Variants in KIAA1549 observed in about 807,000 individuals in gnomAD.
The protein encoded by KIAA1549 is KIAA1549.
Under a neutral mutation model 156.4 loss-of-function variants are expected in KIAA1549, and 70 were observed. The observed-to-expected ratio is 0.45, with a 90% CI of 0.37 to 0.55. KIAA1549 has a LOEUF of 0.55. Among genes scored for constraint, KIAA1549 ranks in the 20% least tolerant of loss-of-function variants. The probability of loss-of-function intolerance (pLI) is 0.00; values close to 1 mark genes in which losing one functional copy is unlikely to be tolerated. For synonymous variants in KIAA1549, 1,103 were observed against 1,066.4 expected (o/e 1.03, Z -0.67); for missense variants, 2,428 against 2,540.9 (o/e 0.96, Z 0.96).
chr7:138,949,688 GT>G (rs35280060), intron 1 of KIAA1549, among the ~76,000 whole-genome samples: 73,074 of 151,950 alleles, frequency 0.48, 22,078 homozygotes, highest in African/African-American at 0.87. Flanking sequence ...TTGCCTCAAG[GT>G]TAAAAAATTC....
At position 138,919,257 on chromosome 7, in the gene KIAA1549, A is replaced by T. The variant is rs898818900; in HGVS notation, c.369T>A (p.Phe123Leu). The T allele has an allele frequency of 9.9e-6, 16 of 1,614,002 alleles. No homozygotes were observed. The highest frequency in any genetic ancestry group is 1.3e-5 in the African/African-American group (1 of 75,052). The change falls in exon 2 of 20, where the codon TTT (phenylalanine) becomes TTA (leucine). Residue 123 changes from phenylalanine to leucine, a missense_variant. Physicochemically the swap from Phe to Leu is conservative, Grantham distance 22. Transcript: ENST00000422774. ...TACTTTTGGTCTGTTTTCCTTGGTT[A>T]AAAAAGGCTGTATCAAAAGTAGTGG... ...PSATTFDTAF[F>L]NQGKQTKSTA...
At position 138,916,960 on chromosome 7, in the gene KIAA1549, C is replaced by A. The variant is rs2354336; in HGVS notation, c.2666G>T (p.Gly889Val). The A allele has an allele frequency of 0.065, 104,011 of 1,603,146 alleles. 3,800 individuals carry two copies. The highest frequency in any genetic ancestry group is 0.12 in the South Asian group (11,068 of 88,834). Residue 889 changes from glycine to valine, a missense_variant, in exon 2 of 20, where the codon GGT (glycine) becomes GTT (valine). Gly to Val is a moderately radical substitution (Grantham distance 109). Transcript: ENST00000422774. Reference protein sequence around the residue: ...TSTEVSTTSTGAATGGPLDST... With the variant: ...TSTEVSTTSTVAATGGPLDST... ...GTCGAGGGGACCACCAGTGGCAGCA[C>A]CGGTGCTGGTTGTGCTCACTTCCGT...
chr7:138,837,761 T>C lies in KIAA1549; in HGVS notation c.*145A>G, dbSNP rs1184991843. The stretch of plus-strand genomic sequence containing the variant: ...ATGAGCTGTCACACGACGTATGGCA[T>C]CTTCTAAATTGCAACTTGCTCCCTC... On this transcript the variant is annotated 3_prime_UTR_variant, in exon 20 of 20. Coordinates refer to ENST00000422774, the MANE Select transcript of KIAA1549 (RefSeq NM_001164665.2). The C allele has an allele frequency of 1.3e-6, 1 of 796,290 alleles. No individual in the cohort carries two copies. The highest frequency in any genetic ancestry group is 2.0e-6 in the Non-Finnish European group (1 of 508,258). 49.3% of individuals were successfully genotyped at this position (796,290 alleles called of 1,614,324 possible). A position where few individuals can be genotyped will look rare whatever the true frequency, so the allele number is the denominator to read the frequency against.
intron 1 of KIAA1549, among the ~76,000 whole-genome samples, chr7:138,936,361 C>A (rs1192643558): frequency 1.3e-5 from 2 of 152,146 alleles, no homozygotes; most frequent in Admixed American, 6.5e-5. Flanking sequence ...TGCCTGTAAG[C>A]CAGGTCCTGC....
At chr7:138,862,495 T>C (rs986359616) in intron 15 of KIAA1549, among the ~76,000 whole-genome samples, 4 of 136,840 alleles carry the variant, frequency 2.9e-5, no homozygotes, top group Non-Finnish European at 6.2e-5. Flanking sequence ...CAGAGAGACC[T>C]AGACTCTTAA....
intron 7 of KIAA1549, 108 bp from the exon 8 acceptor site, chr7:138,903,844 T>C (rs867400102): frequency 0.029 from 12,723 of 431,434 alleles, 936 homozygotes; most frequent in Non-Finnish European, 0.031. Context: ...TGTGTGTGTG[T>C]GTGTGTGTGC....
chr7:138,907,070 C>G lies in KIAA1549; in HGVS notation c.3309G>C (p.Val1103=). Residue 1103 remains valine, a synonymous_variant, in exon 6 of 20, where the codon GTG becomes GTC. Coordinates refer to ENST00000422774, the MANE Select transcript of KIAA1549 (RefSeq NM_001164665.2). ...TATTCACCGGGCCCCGCCGAGGAGTCACCCTTGAGGAACTGATGGTGATAT... is the reference window on the plus strand; with the variant it reads ...TATTCACCGGGCCCCGCCGAGGAGTGACCCTTGAGGAACTGATGGTGATAT... ...ILNITISSSR[V]TPRRGPVNII... 6.2e-7 allele frequency: 1 copy of G among 1,609,548 alleles called. No individual in the cohort carries two copies. Among genetic ancestry groups the G allele is most frequent in the Non-Finnish European group, 8.5e-7 (1 of 1,178,252 alleles).
chr7:138,847,051 C>A (rs1159688019), intron 17 of KIAA1549, among the ~76,000 whole-genome samples: 2 of 152,184 alleles, frequency 1.3e-5, no homozygotes, highest in Non-Finnish European at 2.9e-5. Context: ...CCGGAGCCCA[C>A]ACCTCACCTA....
chr7:138,926,861 G>A (rs891808511), intron 1 of KIAA1549, among the ~76,000 whole-genome samples: 5 of 151,952 alleles, frequency 3.3e-5, no homozygotes, highest in East Asian at 1.9e-4. Flanking sequence ...CTTGAGTACC[G>A]ATCACCCAGT....
intron 17 of KIAA1549, among the ~76,000 whole-genome samples, chr7:138,848,253 C>T (rs900231976): frequency 1.3e-5 from 2 of 152,220 alleles, no homozygotes; most frequent in African/African-American, 4.8e-5. Context: ...GCAGGCATTT[C>T]TGTCTTGTTC....
intron 8 of KIAA1549, 124 bp downstream of exon 8, chr7:138,903,464 A>G (rs1246628956): frequency 1.0e-6 from 1 of 1,002,520 alleles, no homozygotes; most frequent in East Asian, 2.7e-5. Context: ...AGTGGAAATC[A>G]GAAATTTCTC....
rs752375544 is a variant in KIAA1549, at chr7:138,918,777, TA to T, written c.848del (p.Leu283Ter). 1 of 1,613,622 alleles carries T rather than the reference TA, an allele frequency of 6.2e-7. No homozygotes were observed. Among genetic ancestry groups the T allele is most frequent in the Non-Finnish European group, 8.5e-7 (1 of 1,179,808 alleles). On this transcript the variant is annotated frameshift_variant, in exon 2 of 20. Transcript: ENST00000422774. LOFTEE classifies it high-confidence loss of function. This position sits in a 1 kb window ranked among gnomAD's most constrained non-coding sequence, Gnocchi z 4.2. Reference sequence around the variant, plus strand: ...GCTGTGGCATTAAAGACCGGGAGCTTAAAAAAAGGGTGGTTTCCACACCCTC... The same window carrying T: ...GCTGTGGCATTAAAGACCGGGAGCTTAAAAAAGGGTGGTTTCCACACCCTC... Reference protein sequence around the residue: ...LTEGVETTLFLSSRSLMPQPL... With the variant: ...LTEGVETTLFXSSRSLMPQPL...
At position 138,959,641 on chromosome 7, in the gene KIAA1549, T is replaced by C. The variant is rs74438724; in HGVS notation, c.187+21442A>G. 4.9e-3 allele frequency among the ~76,000 whole-genome samples: 740 copies of C among 152,382 alleles called. 9 individuals carry two copies. Among genetic ancestry groups the C allele is most frequent in the African/African-American group, 0.017 (725 of 41,588 alleles). ...AGTTTGGTCATAATTAAAATTTATT[T>C]AAATTTACATTAAGTTAGAAGCATT... is the stretch of plus-strand genomic sequence containing the variant. On this transcript the variant is annotated intron_variant, in intron 1 of 19. Transcript: ENST00000422774.
chr7:138,947,964 C>T (rs1209277843), intron 1 of KIAA1549, among the ~76,000 whole-genome samples: 2 of 151,890 alleles, frequency 1.3e-5, no homozygotes, highest in Admixed American at 1.3e-4. Flanking sequence ...GGTTTCGCCA[C>T]GTTGCCCAGG....
At chr7:138,903,833 GT>G (rs1811920261) in intron 7 of KIAA1549, 97 bp from the exon 8 acceptor site, 2 of 590,526 alleles carry the variant, frequency 3.4e-6, no homozygotes, top group Non-Finnish European at 5.2e-6. Context: ...GTGTGTGTGT[GT>G]GTGTGTGTGT....
chr7:138,968,528 C>T (rs751403574), intron 1 of KIAA1549, among the ~76,000 whole-genome samples: 3 of 152,086 alleles, frequency 2.0e-5, no homozygotes, highest in African/African-American at 7.2e-5. Context: ...CCATCTAGTA[C>T]ATCCCAAGTA....
At chr7:138,867,565 AAT>A (rs1491332007) in intron 15 of KIAA1549, among the ~76,000 whole-genome samples, 4,501 of 134,800 alleles carry the variant, frequency 0.033, 228 homozygotes, top group African/African-American at 0.13. Context: ...AAAAAAAAAA[AAT>A]AATAAAAATA....
At chr7:138,862,729 G>C (rs1484907305) in intron 15 of KIAA1549, among the ~76,000 whole-genome samples, 1 of 152,078 alleles carries the variant, frequency 6.6e-6, no homozygotes, top group African/African-American at 2.4e-5. Flanking sequence ...TCAGGAGTTC[G>C]AGACCAGCGT....
intron 1 of KIAA1549, among the ~76,000 whole-genome samples, chr7:138,963,477 A>T (rs1251403355): frequency 1.3e-5 from 2 of 152,228 alleles, no homozygotes; most frequent in African/African-American, 2.4e-5. Context: ...GAAGGCTGTC[A>T]ATGAGTAAAG....
Sources: allele counts gnomAD v4.1 joint callset (sites outside exome capture counted in the v4.1 genomes callset), GRCh38; gene constraint gnomAD v4.1.1; non-coding constraint Gnocchi (gnomAD v3.1); transcripts MANE v1.5; gene names NCBI Gene and HGNC (gene_info 2026-07-23, HGNC 2026-07-21).